ESCO2: variants seen among roughly 807,000 people sequenced by gnomAD.
ESCO2 encodes establishment of sister chromatid cohesion N-acetyltransferase 2.
In ESCO2, 51 loss-of-function variants were observed where a neutral mutation model predicts 61.7. The observed-to-expected ratio is 0.83, with a 90% CI of 0.66 to 1.04. The LOEUF (loss-of-function observed/expected upper bound fraction) is 1.04. Ranked by LOEUF, ESCO2 falls within the 50% of genes least tolerant of loss-of-function variation. The pLI, the probability that ESCO2 is intolerant of heterozygous loss-of-function variation, is 0.00. For synonymous variants in ESCO2, 230 were observed against 238.2 expected, an observed-to-expected ratio of 0.97 and a Z score of 0.32; for missense variants, 692 against 686.2, an observed-to-expected ratio of 1.01 and a Z score of -0.09.
At chr8:27,775,348 C>G (rs1412352280) in intron 1 of ESCO2, 151 bp from the exon 2 acceptor site, 1 of 703,274 alleles carries the variant, frequency 1.4e-6, no homozygotes. Context: ...GCGTGTAACC[C>G]TTGGAGGGGT....
At chr8:27,784,465 A>G (rs1804992689) in intron 5 of ESCO2, among the ~76,000 whole-genome samples, 1 of 152,220 alleles carries the variant, frequency 6.6e-6, no homozygotes, top group African/African-American at 2.4e-5. Context: ...ACTAGAATCC[A>G]TATCTGAACC....
Position 27,784,072 on chromosome 8 carries a change from T to G in ESCO2, c.1013+15T>G. 1 of 1,610,280 alleles carries G rather than the reference T, an allele frequency of 6.2e-7. No homozygotes were observed. The highest frequency in any genetic ancestry group is 8.5e-7 in the Non-Finnish European group (1 of 1,176,726). ...AATTCAAAAAGGTGAGAATTGTTAT[T>G]GTTTTAAAGTCCAAGCCTTGTAAAT... On this transcript the variant is annotated intron_variant, in intron 5 of 10. Transcript: ENST00000305188.
At chr8:27,772,451 G>A (rs1804662171), upstream of ESCO2, 5 of 1,512,108 alleles carry the variant, frequency 3.3e-6, no homozygotes, top group East Asian at 7.4e-5. Flanking sequence ...GCGGCGGACT[G>A]CGGGTCCCGG....
At position 27,776,654 on chromosome 8, in the gene ESCO2, G is replaced by A. The variant is rs182074852; in HGVS notation, c.346G>A (p.Asp116Asn). The A allele has an allele frequency of 2.0e-5, 33 of 1,613,576 alleles. No homozygotes were observed. The African/African-American group carries it at 3.9e-4, about 19-fold the overall frequency. The change falls in exon 3 of 11, where the codon GAT (aspartate) becomes AAT (asparagine). Residue 116 changes from aspartate to asparagine, a missense_variant. By Grantham distance (23) the Asp-to-Asn change is conservative. Coordinates refer to ENST00000305188, the MANE Select transcript of ESCO2 (RefSeq NM_001017420.3). ...TACTTGTCTAAAAACTAATGATGAA[G>A]ATAAATCTTTTCCCATTGTGACAGA... Reference protein sequence around the residue: ...RSTCLKTNDEDKSFPIVTEKM... With the variant: ...RSTCLKTNDENKSFPIVTEKM...
At chr8:27,780,788 T>G (rs1247404651) in intron 4 of ESCO2, among the ~76,000 whole-genome samples, 1 of 152,226 alleles carries the variant, frequency 6.6e-6, no homozygotes, top group Non-Finnish European at 1.5e-5. Flanking sequence ...CTGTCAATTC[T>G]GAAATCCTAT....
downstream of ESCO2, among the ~76,000 whole-genome samples, chr8:27,807,701 T>C (rs1805589917): frequency 1.3e-5 from 2 of 152,236 alleles, no homozygotes; most frequent in South Asian, 4.1e-4. Context: ...TTCTATTTCC[T>C]GTAAGTTTTA....
chr8:27,797,140 A>G (rs992874624), intron 9 of ESCO2, among the ~76,000 whole-genome samples: 1 of 152,062 alleles, frequency 6.6e-6, no homozygotes, highest in Admixed American at 6.6e-5. Flanking sequence ...TCATTTCCTT[A>G]TTGATTTTCT....
At position 27,799,563 on chromosome 8, in the gene ESCO2, C is replaced by T; in HGVS notation, c.1520C>T (p.Pro507Leu). ...IKQAFRVLSEPIGPESPSSTE... is the reference protein window; with the variant it reads ...IKQAFRVLSELIGPESPSSTE... ...CAGGCATTTCGTGTCCTGTCTGAAC[C>T]AATTGGTCCAGAATCCCCAAGCTCT... is the stretch of plus-strand genomic sequence containing the variant. Residue 507 changes from proline (P) to leucine (L), a missense_variant, in exon 10 of 11, where the codon CCA becomes CTA. By Grantham distance (98) the Pro-to-Leu change is moderately conservative. Transcript: ENST00000305188. The T allele has an allele frequency of 6.2e-7, 1 of 1,613,734 alleles. No homozygotes were observed.
chr8:27,811,179 G>T, downstream of ESCO2: 1 of 1,582,020 alleles, frequency 6.3e-7, no homozygotes, highest in Non-Finnish European at 8.7e-7. Flanking sequence ...TACAAATCAC[G>T]AAAAGGCAAG....
intron 9 of ESCO2, among the ~76,000 whole-genome samples, chr8:27,794,163 C>T (rs191620648): frequency 6.6e-6 from 1 of 152,172 alleles, no homozygotes; most frequent in Non-Finnish European, 1.5e-5. Context: ...ACGTTGATTA[C>T]ATATCTTGGC....
In ESCO2 at chr8:27,787,870, A is replaced by G. The variant is rs201460729; in HGVS notation, c.1014-15A>G. On this transcript the variant is annotated splice_polypyrimidine_tract_variant and intron_variant, in intron 5 of 10. Transcript: ENST00000305188. Reference sequence around the variant, plus strand: ...CAAAATTGTAAATTTATATATATCAACTTTCTGTGTCAAGATCTTTAGGTG... The same window carrying G: ...CAAAATTGTAAATTTATATATATCAGCTTTCTGTGTCAAGATCTTTAGGTG... 2.5e-5 allele frequency: 39 copies of G among 1,585,082 alleles called. No homozygotes were observed. In the East Asian group the frequency reaches 7.6e-4, roughly 31 times the overall value.
At chr8:27,787,479 T>A (rs1330227024) in intron 5 of ESCO2, among the ~76,000 whole-genome samples, 1 of 152,194 alleles carries the variant, frequency 6.6e-6, no homozygotes, top group Non-Finnish European at 1.5e-5. Flanking sequence ...AGTATTATAC[T>A]TATTTTCTCC....
downstream of ESCO2, chr8:27,810,070 A>AT: frequency 2.0e-6 from 1 of 487,994 alleles, no homozygotes; most frequent in Non-Finnish European, 3.6e-6. Context: ...CATGAGCAGT[A>AT]TCAAAGTACT....
chr8:27,813,957 TTA>T (rs1432900223), downstream of ESCO2, among the ~76,000 whole-genome samples: 3 of 152,216 alleles, frequency 2.0e-5, no homozygotes, highest in Non-Finnish European at 2.9e-5. Flanking sequence ...GTGTACATGT[TTA>T]TGTGTTAATG....
At chr8:27,793,907 C>T (rs1161472029) in intron 9 of ESCO2, among the ~76,000 whole-genome samples, 1 of 152,178 alleles carries the variant, frequency 6.6e-6, no homozygotes, top group African/African-American at 2.4e-5. Context: ...CCATCTCTCA[C>T]TCCCCCAGCC....
the ESCO2 span, among the ~76,000 whole-genome samples, chr8:27,819,311 A>G: frequency 3.0e-5 from 4 of 135,034 alleles, no homozygotes; most frequent in Admixed American, 1.6e-4. Context: ...ATTTTTTTCA[A>G]TTTCAGTTGA....
At chr8:27,817,151 G>A (rs549314726), downstream of ESCO2, among the ~76,000 whole-genome samples, 11 of 152,194 alleles carry the variant, frequency 7.2e-5, no homozygotes, top group Admixed American at 2.0e-4. Flanking sequence ...TAAAGGAGCT[G>A]CCAACACATT....
At chr8:27,816,343 C>CTATATATATA (rs767822258), downstream of ESCO2, among the ~76,000 whole-genome samples, 1 of 136,386 alleles carries the variant, frequency 7.3e-6, no homozygotes, top group African/African-American at 2.9e-5. Flanking sequence ...TCATCGAATA[C>CTATATATATA]TATATATATA....
In ESCO2 at chr8:27,777,009, A is replaced by G; in HGVS notation, c.701A>G (p.Gln234Arg). The G allele has an allele frequency of 6.2e-7, 1 of 1,612,492 alleles. No individual in the cohort carries two copies. The highest frequency in any genetic ancestry group is 8.5e-7 in the Non-Finnish European group (1 of 1,179,654). Residue 234 changes from glutamine (Q) to arginine (R), a missense_variant, in exon 3 of 11, where the codon CAA becomes CGA. By Grantham distance (43) the Gln-to-Arg change is conservative (BLOSUM62 1). Transcript: ENST00000305188. ...LENEPSLGRT[Q>R]KSKSEVIEDS... Reference sequence around the variant, plus strand: ...AATGAGCCGTCACTGGGACGCACCCAAAAGAGTAAATCAGAAGTCATTGAA... The same window carrying G: ...AATGAGCCGTCACTGGGACGCACCCGAAAGAGTAAATCAGAAGTCATTGAA...
Sources: gnomAD v4.1 joint callset for allele counts (sites outside exome capture counted in the v4.1 genomes callset) on GRCh38, gnomAD v4.1.1 for gene constraint, MANE v1.5 for transcripts, NCBI Gene and HGNC (gene_info 2026-07-23, HGNC 2026-07-21) for gene names.